TRPM8: variants seen among roughly 807,000 people sequenced by gnomAD.
TRPM8 encodes TRPM8 cationic channel.
TRPM8 carries 110 observed loss-of-function variants against 133.7 expected under a neutral mutation model. The ratio of observed to expected loss-of-function variants is 0.82; its 90% CI spans 0.70 to 0.96. TRPM8 has a LOEUF of 0.96. TRPM8 is among the 40% of genes least tolerant of loss of function. The pLI, the probability that TRPM8 is intolerant of heterozygous loss-of-function variation, is 0.00. For missense variants in TRPM8, 1,291 were observed against 1,379.5 expected (o/e 0.94, Z 1.02); for synonymous variants, 535 against 532.3 (o/e 1.01, Z -0.07).
rs1693008972 is a variant in TRPM8, at chr2:234,018,386, A to G, written c.*1130A>G. The stretch of plus-strand genomic sequence containing the variant: ...TGAATCCTATTGCTGTATTTGGGAA[A>G]ATTTTCCAAGGTTAGATTCCAATAA... On this transcript the variant is annotated 3_prime_UTR_variant, in exon 26 of 26. Transcript: ENST00000324695. The G allele has an allele frequency of 6.6e-6, 1 of 151,752 alleles. No homozygotes were observed. Among genetic ancestry groups the G allele is most frequent in the Non-Finnish European group, 1.5e-5 (1 of 67,944 alleles). The allele number at this position is 151,752 out of a possible 1,614,324, so 9.4% of individuals were successfully genotyped here.
At chr2:233,969,482 C>T (rs965555591) in intron 15 of TRPM8, among the ~76,000 whole-genome samples, 2 of 151,672 alleles carry the variant, frequency 1.3e-5, no homozygotes, top group East Asian at 1.9e-4. Context: ...CGTGAAACTC[C>T]GTCTCAAGAA....
chr2:234,009,323 A>G (rs10929329), intron 24 of TRPM8, among the ~76,000 whole-genome samples: 38,585 of 152,018 alleles, frequency 0.25, 5,626 homozygotes, highest in East Asian at 0.47. Flanking sequence ...GTTTATTTGG[A>G]GTGACTTCGG....
At chr2:233,979,929 A>G (rs370717396) in intron 17 of TRPM8, among the ~76,000 whole-genome samples, 2 of 152,184 alleles carry the variant, frequency 1.3e-5, no homozygotes, top group African/African-American at 4.8e-5. Context: ...TCTTGAAAAA[A>G]TGGTGAGGAT....
intron 22 of TRPM8, among the ~76,000 whole-genome samples, chr2:234,001,841 C>G (rs938349651): frequency 6.6e-6 from 1 of 152,094 alleles, no homozygotes. Flanking sequence ...CGCGGAGAGC[C>G]TGCGATGCAG....
chr2:233,985,680 A>G lies in TRPM8; in HGVS notation c.2762-8A>G, dbSNP rs202028980. 1.4e-4 allele frequency: 232 copies of G among 1,611,838 alleles called. No individual in the cohort carries two copies. Among genetic ancestry groups the G allele is most frequent in the Non-Finnish European group, 1.9e-4 (229 of 1,178,394 alleles). On this transcript the variant is annotated splice_polypyrimidine_tract_variant and splice_region_variant and intron_variant, in intron 20 of 25. Transcript: ENST00000324695. ...CCTCACTTTGCCTGTTGGTTTCTACATCCTCAGGTACCACGTATGACTTTG... is the reference window on the plus strand; with the variant it reads ...CCTCACTTTGCCTGTTGGTTTCTACGTCCTCAGGTACCACGTATGACTTTG...
intron 17 of TRPM8, among the ~76,000 whole-genome samples, chr2:233,977,792 T>C (rs1691906725): frequency 6.6e-6 from 1 of 152,236 alleles, no homozygotes; most frequent in African/African-American, 2.4e-5. Context: ...ATAATGGTTA[T>C]TGGCAGAGAC....
At position 234,016,825 on chromosome 2, in the gene TRPM8, G is replaced by T. The variant is rs575137594; in HGVS notation, c.*43-474G>T. Among the ~76,000 whole-genome samples the T allele has an allele frequency of 3.8e-4, 58 of 152,318 alleles. No homozygotes were observed. In the Middle Eastern group the frequency reaches 0.014, roughly 36 times the overall value. On this transcript the variant is annotated intron_variant, in intron 25 of 25. Transcript: ENST00000324695. ...CTTACTTTAAGGAAGGTCCCTGGAA[G>T]TTGTTCATTTCCTGCATAATAGTCC... is the stretch of plus-strand genomic sequence containing the variant.
At chr2:233,946,866 T>C (rs1351721147) in intron 7 of TRPM8, among the ~76,000 whole-genome samples, 1 of 152,208 alleles carries the variant, frequency 6.6e-6, no homozygotes, top group Non-Finnish European at 1.5e-5. Flanking sequence ...ATTTTAAATA[T>C]CAATGACAAA....
chr2:233,924,575 C>G (rs1021194588), intron 1 of TRPM8, among the ~76,000 whole-genome samples: 2 of 152,180 alleles, frequency 1.3e-5, no homozygotes, highest in Non-Finnish European at 2.9e-5. Context: ...AGTCAACCAA[C>G]TTGAATATCA....
chr2:234,000,152 C>A (rs1204098796), intron 22 of TRPM8, among the ~76,000 whole-genome samples: 1 of 149,328 alleles, frequency 6.7e-6, no homozygotes, highest in African/African-American at 2.5e-5. Flanking sequence ...TCTGTGTTGC[C>A]CAGGCTGGAG....
chr2:233,941,208 T>C (rs908701746), intron 5 of TRPM8, among the ~76,000 whole-genome samples: 13 of 152,224 alleles, frequency 8.5e-5, no homozygotes, highest in African/African-American at 3.1e-4. Context: ...TTTAGTTATA[T>C]ATTGTTTGGC....
rs762865598 is a variant in TRPM8 at position 234,014,593 on chromosome 2, T to A, written c.3296T>A (p.Ile1099Asn). The A allele has an allele frequency of 6.4e-7, 1 of 1,552,382 alleles. No individual in the cohort carries two copies. Among genetic ancestry groups the A allele is most frequent in the African/African-American group, 1.4e-5 (1 of 71,296 alleles). Reference protein sequence around the residue: ...LNDLKGLLKEIANKIK With the variant: ...LNDLKGLLKENANKIK ...GATCTCAAGGGTCTTCTGAAAGAGATTGCTAATAAAATCAAATAAAACTGT... is the reference window on the plus strand; with the variant it reads ...GATCTCAAGGGTCTTCTGAAAGAGAATGCTAATAAAATCAAATAAAACTGT... Residue 1099 changes from isoleucine to asparagine, a missense_variant, in exon 25 of 26, where the codon ATT (isoleucine) becomes AAT (asparagine). Coordinates refer to ENST00000324695, the MANE Select transcript of TRPM8 (RefSeq NM_024080.5).
At chr2:233,933,291 T>C (rs973303887) in intron 3 of TRPM8, among the ~76,000 whole-genome samples, 13 of 152,230 alleles carry the variant, frequency 8.5e-5, no homozygotes, top group African/African-American at 3.1e-4. Flanking sequence ...TAGCCACATC[T>C]GGCTATTGAT....
At position 233,950,090 on chromosome 2, in the gene TRPM8, T is replaced by C; in HGVS notation, c.1084T>C (p.Leu362=). The stretch of plus-strand genomic sequence containing the variant: ...CGTCAAGGAGAAGCTGGTGCGCTTT[T>C]TACCCCGCACGGTGTCCCGGCTGCC... ...SAVKEKLVRF[L]PRTVSRLPEE... is the part of the protein sequence containing the mutation. The change falls in exon 9 of 26, where the codon TTA becomes CTA. Residue 362 remains leucine (L), a synonymous_variant. Transcript: ENST00000324695. 1 of 1,613,866 alleles carries C rather than the reference T, an allele frequency of 6.2e-7. No individual in the cohort carries two copies. Among genetic ancestry groups the C allele is most frequent in the Non-Finnish European group, 8.5e-7 (1 of 1,180,034 alleles).
At chr2:233,953,800 G>A in intron 9 of TRPM8, 117 bp from the exon 10 acceptor site, 1 of 664,420 alleles carries the variant, frequency 1.5e-6, no homozygotes, top group Non-Finnish European at 2.6e-6. Context: ...ATGAGAAGCT[G>A]ATCCGGAACT....
At chr2:233,947,706 G>A (rs1450862157) in intron 8 of TRPM8, 3 of 881,284 alleles carry the variant, frequency 3.4e-6, no homozygotes, top group African/African-American at 3.5e-5. Context: ...CAATCTGTAT[G>A]GACTCATTAC....
intron 20 of TRPM8, among the ~76,000 whole-genome samples, chr2:233,985,402 T>C (rs1416255704): frequency 6.6e-6 from 1 of 152,244 alleles, no homozygotes; most frequent in Non-Finnish European, 1.5e-5. Context: ...ATTATCTGCC[T>C]ATCCAAAGAG....
intron 5 of TRPM8, 27 bp from the exon 6 acceptor site, chr2:233,942,549 C>A: frequency 1.9e-6 from 3 of 1,613,784 alleles, no homozygotes; most frequent in Non-Finnish European, 2.5e-6. Context: ...TGCCACTTGA[C>A]CATTTACTCT....
At position 233,970,376 on chromosome 2, in the gene TRPM8, C is replaced by A. The variant is rs200982995; in HGVS notation, c.2305C>A (p.Leu769Met). ...DFHSVPHPPE[L>M]VLYSLVFVLF... ...CCATTCGGTGCCACACCCCCCCGAG[C>A]TGGTCCTGTACTCGCTGGTCTTTGT... is the stretch of plus-strand genomic sequence containing the variant. Residue 769 changes from leucine to methionine, a missense_variant, in exon 17 of 26, where the codon CTG (leucine) becomes ATG (methionine). Physicochemically the swap from Leu to Met is conservative, Grantham distance 15. Around this residue, in one of 2 missense-constraint regions of TRPM8, gnomAD observed 963 missense variants for 968.9 expected, o/e 0.99. Coordinates refer to ENST00000324695, the MANE Select transcript of TRPM8 (RefSeq NM_024080.5). 10 of 1,614,152 alleles carry A rather than the reference C, an allele frequency of 6.2e-6. No individual in the cohort carries two copies. Among genetic ancestry groups the A allele is most frequent in the Non-Finnish European group, 8.5e-6 (10 of 1,180,040 alleles).
Sources: gnomAD v4.1 joint callset for allele counts (sites outside exome capture counted in the v4.1 genomes callset) on GRCh38, gnomAD v4.1.1 for gene constraint, gnomAD v4.1.1 regional missense constraint, MANE v1.5 for transcripts, NCBI Gene and HGNC (gene_info 2026-07-23, HGNC 2026-07-21) for gene names.